Variants in DYM observed in about 807,000 individuals in gnomAD.
DYM encodes dymeclin.
A neutral mutation model predicts 93.1 loss-of-function variants in DYM; 78 were observed. The ratio of observed to expected loss-of-function variants is 0.84; its 90% CI spans 0.70 to 1.01. The LOEUF (loss-of-function observed/expected upper bound fraction) is 1.01. Ranked by LOEUF, DYM falls within the 50% of genes least tolerant of loss-of-function variation. The pLI is 0.00. For missense variants in DYM, 789 were observed against 845.0 expected (o/e 0.93, Z 0.82); for synonymous variants, 321 against 319.7 (o/e 1.00, Z -0.04).
At chr18:49,295,882 A>G (rs1433898688) in intron 8 of DYM, among the ~76,000 whole-genome samples, 1 of 151,338 alleles carries the variant, frequency 6.6e-6, no homozygotes, top group East Asian at 1.9e-4. Flanking sequence ...AGCTTCCTCT[A>G]ATGGTAGTAT....
chr18:49,238,094 T>C (rs961743916), intron 13 of DYM, among the ~76,000 whole-genome samples: 4 of 152,248 alleles, frequency 2.6e-5, no homozygotes, highest in East Asian at 1.9e-4. Context: ...TATTTGAAAT[T>C]TGGATGGATA....
intron 1 of DYM, among the ~76,000 whole-genome samples, chr18:49,449,431 C>T (rs1040829361): frequency 2.0e-5 from 3 of 152,146 alleles, no homozygotes; most frequent in Non-Finnish European, 2.9e-5. Context: ...TCTTGACAAC[C>T]CTAACTGGAA....
intron 8 of DYM, among the ~76,000 whole-genome samples, chr18:49,297,344 A>G (rs1172089639): frequency 6.6e-6 from 1 of 152,258 alleles, no homozygotes; most frequent in African/African-American, 2.4e-5. Flanking sequence ...GAATACATCA[A>G]TATAAAGTTC....
rs576892401 is a variant in DYM, at chr18:49,173,372, C to A, written c.1626-9585G>T. Among the ~76,000 whole-genome samples, 113 of 152,148 alleles carry A rather than the reference C, an allele frequency of 7.4e-4. 2 individuals are homozygous for A. The highest frequency in any genetic ancestry group is 2.7e-3 in the African/African-American group (112 of 41,536). The stretch of plus-strand genomic sequence containing the variant: ...GTAAGGTTTTGATTAGGATTGTGTT[C>A]AACGTATAGATCAATTTCAGGATCT... On this transcript the variant is annotated intron_variant, in intron 14 of 17. Coordinates refer to ENST00000675505, the MANE Select transcript of DYM (RefSeq NM_001353214.3).
At chr18:49,399,934 C>A (rs111911010) in intron 2 of DYM, among the ~76,000 whole-genome samples, 770 of 66,038 alleles carry the variant, frequency 0.012, 10 homozygotes, top group East Asian at 0.051. Flanking sequence ...TTTTATTTTT[C>A]TTTTTTTTTT....
chr18:49,056,567 T>G (rs903277091), intron 17 of DYM, among the ~76,000 whole-genome samples: 4 of 152,246 alleles, frequency 2.6e-5, no homozygotes, highest in Admixed American at 6.5e-5. Flanking sequence ...AGACAGAGTC[T>G]CACTCTGTTG....
intron 1 of DYM, among the ~76,000 whole-genome samples, chr18:49,446,931 C>T (rs1229499136): frequency 1.3e-5 from 2 of 151,820 alleles, no homozygotes; most frequent in Non-Finnish European, 2.9e-5. Flanking sequence ...TGGTGGCAGG[C>T]GCCTGTAATC....
rs2085414540 is a variant in DYM at position 49,148,412 on chromosome 18, A to T, written c.1728+15273T>A. ...TAAGATACATTTTAAAAATATATTTAACATTTTTTAAATTAATTAATTTTT... is the reference window on the plus strand; with the variant it reads ...TAAGATACATTTTAAAAATATATTTTACATTTTTTAAATTAATTAATTTTT... On this transcript the variant is annotated intron_variant, in intron 15 of 17. Coordinates refer to ENST00000675505, the MANE Select transcript of DYM (RefSeq NM_001353214.3). Among the ~76,000 whole-genome samples, 3 of 152,158 alleles carry T rather than the reference A, an allele frequency of 2.0e-5. No homozygotes were observed. The South Asian group carries it at 6.2e-4, about 32-fold the overall frequency.
intron 17 of DYM, among the ~76,000 whole-genome samples, chr18:49,062,507 C>T (rs980455517): frequency 6.6e-6 from 1 of 152,240 alleles, no homozygotes; most frequent in Non-Finnish European, 1.5e-5. Flanking sequence ...CTTCCTCCCA[C>T]AGGTTTCAGG....
At chr18:49,271,851 T>A (rs947389775) in intron 11 of DYM, among the ~76,000 whole-genome samples, 1 of 152,034 alleles carries the variant, frequency 6.6e-6, no homozygotes, top group Non-Finnish European at 1.5e-5. Flanking sequence ...TAATTCTGTA[T>A]GCATGAAGCA....
At chr18:49,372,471 G>A (rs751973948) in intron 5 of DYM, among the ~76,000 whole-genome samples, 1 of 152,210 alleles carries the variant, frequency 6.6e-6, no homozygotes, top group Non-Finnish European at 1.5e-5. Context: ...GGCCGGGTGA[G>A]GTGGCACATG....
chr18:49,267,477 G>C (rs113787097), intron 11 of DYM, among the ~76,000 whole-genome samples: 1,532 of 152,224 alleles, frequency 0.01, 41 homozygotes, highest in South Asian at 0.075. Flanking sequence ...AAAAGATCCA[G>C]AATAAAAAAT....
chr18:49,053,463 A>G (rs1052605082), intron 17 of DYM, among the ~76,000 whole-genome samples: 4 of 152,200 alleles, frequency 2.6e-5, no homozygotes, highest in African/African-American at 9.7e-5. Flanking sequence ...TACATAGCAG[A>G]TTGAAAAAAA....
At chr18:49,391,931 C>G (rs1271917839) in intron 2 of DYM, among the ~76,000 whole-genome samples, 3 of 152,162 alleles carry the variant, frequency 2.0e-5, no homozygotes, top group Non-Finnish European at 4.4e-5. Flanking sequence ...TCAAGAAAGG[C>G]ACTCCAAAGT....
At chr18:49,302,589 A>C (rs1258950013) in intron 8 of DYM, among the ~76,000 whole-genome samples, 2 of 152,254 alleles carry the variant, frequency 1.3e-5, no homozygotes, top group East Asian at 3.9e-4. Context: ...CATCATACTC[A>C]AGGAACTGTT....
chr18:49,396,327 A>T (rs1002933246), intron 2 of DYM, among the ~76,000 whole-genome samples: 3 of 152,200 alleles, frequency 2.0e-5, no homozygotes, highest in African/African-American at 7.2e-5. Context: ...TAATCCAATA[A>T]TCCGACTGTT....
At chr18:49,249,099 G>A (rs1598893618) in intron 13 of DYM, among the ~76,000 whole-genome samples, 1 of 152,134 alleles carries the variant, frequency 6.6e-6, no homozygotes, top group African/African-American at 2.4e-5. Context: ...CATGGTGAGC[G>A]AGTCACTCTC....
At chr18:49,258,328 G>A (rs372406263) in intron 12 of DYM, 52 bp downstream of exon 12, 26 of 1,280,346 alleles carry the variant, frequency 2.0e-5, no homozygotes, top group South Asian at 7.2e-5. Context: ...TTAAACTATC[G>A]TCTTAATTGT....
rs988583263 is a variant in DYM, at chr18:49,458,635, G to A, written c.-54+1763C>T. Among the ~76,000 whole-genome samples, 12 of 152,162 alleles carry A rather than the reference G, an allele frequency of 7.9e-5. No homozygotes were observed. The South Asian group carries it at 1.5e-3, about 18-fold the overall frequency. Reference sequence around the variant, plus strand: ...GTGAAATGCCTGAACTCAGGAGTTCGTGACCAGCCTGAGCAACATGATGAG... The same window carrying A: ...GTGAAATGCCTGAACTCAGGAGTTCATGACCAGCCTGAGCAACATGATGAG... On this transcript the variant is annotated intron_variant, in intron 1 of 17. Coordinates refer to ENST00000675505, the MANE Select transcript of DYM (RefSeq NM_001353214.3).
Sources: gnomAD v4.1 joint callset for allele counts (sites outside exome capture counted in the v4.1 genomes callset) on GRCh38, gnomAD v4.1.1 for gene constraint, MANE v1.5 for transcripts, NCBI Gene and HGNC (gene_info 2026-07-23, HGNC 2026-07-21) for gene names.